Variants in DCAF4 observed in about 807,000 individuals in gnomAD.
DCAF4 encodes the protein DDB1- and CUL4-associated factor 4.
A neutral mutation model predicts 60.9 loss-of-function variants in DCAF4; 37 were observed. The observed-to-expected ratio is 0.61, with a 90% CI of 0.47 to 0.80. The LOEUF (loss-of-function observed/expected upper bound fraction) is 0.80, where lower values mean the gene tolerates loss of function less well. Ranked by LOEUF, DCAF4 falls within the 30% of genes least tolerant of loss-of-function variation. The pLI, the probability that DCAF4 is intolerant of heterozygous loss-of-function variation, is 0.00. For synonymous variants in DCAF4, 243 were observed against 254.8 expected (o/e 0.95, Z 0.44); for missense variants, 577 against 650.0 (o/e 0.89, Z 1.22).
chr14:72,940,780 A>G lies in DCAF4; in HGVS notation c.351+403A>G, dbSNP rs1375683661. ...TAATTTTTTTATTTTTAGTAGAGAC[A>G]GGGTTTCACCATGTTGGCCAGGTTG... On this transcript the variant is annotated intron_variant, in intron 4 of 13. Coordinates refer to ENST00000358377, the MANE Select transcript of DCAF4 (RefSeq NM_015604.4). 4.0e-5 allele frequency among the ~76,000 whole-genome samples: 6 copies of G among 151,092 alleles called. No homozygotes were observed. In the East Asian group the frequency reaches 1.2e-3, roughly 30 times the overall value.
rs1476828245 is a variant in DCAF4, at chr14:72,938,017, G to A, written c.39G>A (p.Gly13=). 3 of 1,611,190 alleles carry A rather than the reference G, an allele frequency of 1.9e-6. No homozygotes were observed. The highest frequency in any genetic ancestry group is 2.5e-6 in the Non-Finnish European group (3 of 1,179,202). The part of the protein sequence containing the change: ...KSRWQSRRRH[G]RRSHQQNPWF... ...GCTGGCAGAGTAGAAGACGACATGG[G>A]AGAAGAAGCCACCAGCAGAACCCTT... The change falls in exon 2 of 14, where the codon GGG becomes GGA. Residue 13 remains glycine (G), a synonymous_variant. Coordinates refer to ENST00000358377, the MANE Select transcript of DCAF4 (RefSeq NM_015604.4).
chr14:72,942,951 A>G (rs770473607), intron 5 of DCAF4, 43 bp from the exon 6 acceptor site: 9 of 1,590,466 alleles, frequency 5.7e-6, no homozygotes. Context: ...TTCTTCATGG[A>G]TGTCAGCTTC....
chr14:72,956,236 G>A (rs1892281983), intron 12 of DCAF4, 150 bp from the exon 13 acceptor site: 1 of 593,550 alleles, frequency 1.7e-6, no homozygotes, highest in African/African-American at 1.9e-5. Context: ...ACATGCTTTT[G>A]ATGAACAACA....
intron 1 of DCAF4, among the ~76,000 whole-genome samples, chr14:72,927,727 T>TA (rs1427703930): frequency 2.0e-5 from 3 of 152,142 alleles, no homozygotes; most frequent in Admixed American, 6.5e-5. Context: ...CCATTTAACT[T>TA]ACGCTGGGTG....
chr14:72,935,395 C>T (rs965523580), intron 1 of DCAF4, among the ~76,000 whole-genome samples: 6 of 152,148 alleles, frequency 3.9e-5, no homozygotes, highest in African/African-American at 1.2e-4. Flanking sequence ...ACCGGGATTA[C>T]AGGCACCAGC....
In DCAF4 at chr14:72,954,444, G is replaced by T. The variant is rs771526627; in HGVS notation, c.966G>T (p.Gly322=). The T allele has an allele frequency of 3.7e-6, 6 of 1,614,228 alleles. No individual in the cohort carries two copies. The South Asian group carries it at 5.5e-5, about 15-fold the overall frequency. ...NVVTGHRQSF[G]TNSDVLAQQF... is the part of the protein sequence containing the mutation. ...TGACGGGACACCGGCAGTCCTTTGG[G>T]ACCAACAGTGATGTCTTGGCCCAGC... The change falls in exon 11 of 14, where the codon GGG becomes GGT. Residue 322 remains glycine, a synonymous_variant. Coordinates refer to ENST00000358377, the MANE Select transcript of DCAF4 (RefSeq NM_015604.4).
Position 72,958,738 on chromosome 14 carries a change from G to T in DCAF4, c.1421G>T (p.Gly474Val), listed in dbSNP as rs1332944234. 1 of 1,612,408 alleles carries T rather than the reference G, an allele frequency of 6.2e-7. No homozygotes were observed. The highest frequency in any genetic ancestry group is 8.5e-7 in the Non-Finnish European group (1 of 1,179,240). Reference protein sequence around the residue: ...PSVAFSSRLGGSRGAPGLLMA... With the variant: ...PSVAFSSRLGVSRGAPGLLMA... ...GTGGCCTTCTCGTCGCGGCTGGGGGGCTCCCGGGGCGCGCCGGGGCTGCTC... is the reference window on the plus strand; with the variant it reads ...GTGGCCTTCTCGTCGCGGCTGGGGGTCTCCCGGGGCGCGCCGGGGCTGCTC... Residue 474 changes from glycine to valine, a missense_variant, in exon 14 of 14, where the codon GGC (glycine) becomes GTC (valine). Physicochemically the swap from Gly to Val is moderately radical, Grantham distance 109. Coordinates refer to ENST00000358377, the MANE Select transcript of DCAF4 (RefSeq NM_015604.4).
chr14:72,954,520 G>GC, intron 11 of DCAF4, 37 bp downstream of exon 11: 1 of 1,604,936 alleles, frequency 6.2e-7, no homozygotes, highest in Non-Finnish European at 8.5e-7. Context: ...ATAAAAGTTT[G>GC]CCCCATGTAG....
intron 3 of DCAF4, 128 bp from the exon 4 acceptor site, chr14:72,940,092 A>T: frequency 7.4e-7 from 1 of 1,350,304 alleles, no homozygotes; most frequent in Non-Finnish European, 1.0e-6. Context: ...TTGCCTGACA[A>T]GGCAGCTCAT....
chr14:72,942,026 GGGACTCTTGCAGGA>G (rs1300908515), intron 5 of DCAF4: 2 of 530,198 alleles, frequency 3.8e-6, no homozygotes, highest in Non-Finnish European at 6.7e-6. Context: ...GCGAAGGCGG[GGGACTCTTGCAGGA>G]GGATAGGGAG....
At chr14:72,959,786 C>A, downstream of DCAF4, 1 of 471,230 alleles carries the variant, frequency 2.1e-6, no homozygotes, top group Non-Finnish European at 2.8e-6. Flanking sequence ...TCCATCTCCA[C>A]CCTGCTCTGT....
Position 72,945,994 on chromosome 14 carries a change from C to T in DCAF4, c.645C>T (p.Phe215=), listed in dbSNP as rs1238691997. The T allele has an allele frequency of 6.2e-7, 1 of 1,614,128 alleles. No individual in the cohort carries two copies. The highest frequency in any genetic ancestry group is 1.7e-5 in the Admixed American group (1 of 60,014). ...QSLKTPTLKV[F]MHENLYFTNR... ...TGAAGACCCCTACGCTCAAGGTGTT[C>T]ATGCACGAAAACCTCTACTTCACCA... The change falls in exon 7 of 14, where the codon TTC becomes TTT. Residue 215 remains phenylalanine (F), a synonymous_variant. Coordinates refer to ENST00000358377, the MANE Select transcript of DCAF4 (RefSeq NM_015604.4).
chr14:72,939,812 C>T lies in DCAF4; in HGVS notation c.103C>T (p.Arg35Trp), dbSNP rs138258757. Residue 35 changes from arginine (R) to tryptophan (W), a missense_variant, in exon 3 of 14, where the codon CGG (arginine) becomes TGG (tryptophan). Physicochemically the swap from Arg to Trp is moderately radical, Grantham distance 101. Transcript: ENST00000358377. The stretch of plus-strand genomic sequence containing the variant: ...GCTGTGTGTCAACAGGTCTGACTCC[C>T]GGGCAGCACAGCCCGCTCACGATTC... ...LRDSEDRSDS[R>W]AAQPAHDSGH... 2.9e-4 allele frequency: 472 copies of T among 1,611,642 alleles called. No individual in the cohort carries two copies. The African/African-American group carries it at 4.2e-3, about 14-fold the overall frequency.
chr14:72,958,762 T>C lies in DCAF4; in HGVS notation c.1445T>C (p.Leu482Pro), dbSNP rs1448265549. The change falls in exon 14 of 14, where the codon CTC (leucine) becomes CCC (proline). Residue 482 changes from leucine to proline, a missense_variant. Leu to Pro is a moderately conservative substitution (Grantham distance 98). Coordinates refer to ENST00000358377, the MANE Select transcript of DCAF4 (RefSeq NM_015604.4). ...GGCTCCCGGGGCGCGCCGGGGCTGC[T>C]CATGGCTGTCGGGCAGGACCTTTAC... ...LGGSRGAPGL[L>P]MAVGQDLYCY... is the part of the protein sequence containing the mutation. 2 of 1,603,768 alleles carry C rather than the reference T, an allele frequency of 1.2e-6. No individual in the cohort carries two copies. The highest frequency in any genetic ancestry group is 1.7e-6 in the Non-Finnish European group (2 of 1,175,040).
At chr14:72,947,943 CCA>C (rs1890953673) in intron 8 of DCAF4, among the ~76,000 whole-genome samples, 1 of 152,106 alleles carries the variant, frequency 6.6e-6, no homozygotes, top group South Asian at 2.1e-4. Flanking sequence ...TCACCCAAAA[CCA>C]CATGTTAATG....
At chr14:72,931,036 G>A (rs551871596) in intron 1 of DCAF4, among the ~76,000 whole-genome samples, 5 of 152,246 alleles carry the variant, frequency 3.3e-5, no homozygotes, top group South Asian at 2.1e-4. Context: ...TTGAAATTGC[G>A]AGGTGCGAGT....
At chr14:72,960,701 G>A, downstream of DCAF4, 1 of 1,063,212 alleles carries the variant, frequency 9.4e-7, no homozygotes, top group African/African-American at 1.7e-5. Flanking sequence ...GCAGAGACAG[G>A]CAAGTGCTGC....
chr14:72,928,400 G>A (rs1454594424), intron 1 of DCAF4, among the ~76,000 whole-genome samples: 1 of 149,670 alleles, frequency 6.7e-6, no homozygotes, highest in African/African-American at 2.5e-5. Flanking sequence ...CACCATGTTG[G>A]CCAGGATGGT....
downstream of DCAF4, among the ~76,000 whole-genome samples, chr14:72,960,937 G>A (rs1892795389): frequency 6.6e-6 from 1 of 151,116 alleles, no homozygotes; most frequent in South Asian, 2.1e-4. Flanking sequence ...GAGTGCATGA[G>A]TTGCAGTAGC....
Sources: gnomAD v4.1 joint callset for allele counts (sites outside exome capture counted in the v4.1 genomes callset) on GRCh38, gnomAD v4.1.1 for gene constraint, MANE v1.5 for transcripts, NCBI Gene and HGNC (gene_info 2026-07-23, HGNC 2026-07-21) for gene names.